FGF14: variants seen among roughly 807,000 people sequenced by gnomAD.
FGF14 encodes fibroblast growth factor homologous factor 4.
In FGF14, 5 loss-of-function variants were observed where a neutral mutation model predicts 25.5. That is an observed-to-expected ratio of 0.20 (90% CI 0.10 to 0.41). FGF14 has a LOEUF of 0.41. FGF14 is among the 10% of genes least tolerant of loss of function. FGF14 has a pLI of 1.00. For missense variants in FGF14, 222 were observed against 320.1 expected (o/e 0.69, Z 2.34); for synonymous variants, 138 against 118.3 (o/e 1.17, Z -1.08).
intron 1 of FGF14, among the ~76,000 whole-genome samples, chr13:102,399,557 G>A (rs80181797): frequency 0.065 from 9,853 of 152,238 alleles, 611 homozygotes; most frequent in African/African-American, 0.16. Context: ...GATGTAAGTT[G>A]GTTTTGTATG....
intron 1 of FGF14, among the ~76,000 whole-genome samples, chr13:102,200,318 G>A (rs2049558592): frequency 6.6e-6 from 1 of 152,062 alleles, no homozygotes; most frequent in African/African-American, 2.4e-5. Flanking sequence ...GCTCTAAAGA[G>A]GTAAACAATC....
chr13:102,157,410 G>C (rs1448807813), intron 1 of FGF14, among the ~76,000 whole-genome samples: 2 of 152,150 alleles, frequency 1.3e-5, no homozygotes, highest in Non-Finnish European at 2.9e-5. Context: ...AATGGGGAGA[G>C]AATTCCCTAT....
intron 3 of FGF14, among the ~76,000 whole-genome samples, chr13:101,851,802 G>A (rs560764281): frequency 1.3e-4 from 20 of 152,084 alleles, no homozygotes; most frequent in Non-Finnish European, 1.9e-4. Flanking sequence ...TAAAACCAAA[G>A]AAAACCAAGG....
Position 101,916,652 on chromosome 13 carries a change from C to T in FGF14, c.-7G>A. ...TAGCGATGGCCGCGGCCATGGTGGC[C>T]CCGGGAACGGGTCCGGGGAGGGAGG... On this transcript the variant is annotated 5_prime_UTR_variant, in exon 1 of 5. Transcript: ENST00000376143. 1 of 1,543,504 alleles carries T rather than the reference C, an allele frequency of 6.5e-7. No individual in the cohort carries two copies. Among genetic ancestry groups the T allele is most frequent in the Non-Finnish European group, 8.8e-7 (1 of 1,141,870 alleles).
chr13:102,311,942 CAACATTTG>C (rs1218321018), intron 1 of FGF14, among the ~76,000 whole-genome samples: 4 of 152,076 alleles, frequency 2.6e-5, no homozygotes, highest in Admixed American at 2.6e-4. Context: ...TCATATTTTC[CAACATTTG>C]TTCAATTTGG....
rs199827741 is a variant in FGF14, at chr13:102,282,074, TTC to T, written c.208+119395_208+119396del. On this transcript the variant is annotated intron_variant, in intron 1 of 4. Coordinates refer to the FGF14 transcript ENST00000376131. ...TCCTAACCCTGCTTCTTTTTTTTTT[TTC>T]TTCCTTTGAGATGGAGTCTTGCTCT... Among the ~76,000 whole-genome samples, 777 of 145,142 alleles carry T rather than the reference TTC, an allele frequency of 5.4e-3. 12 individuals are homozygous for T. The highest frequency in any genetic ancestry group is 0.016 in the African/African-American group (655 of 39,740).
intron 1 of FGF14, among the ~76,000 whole-genome samples, chr13:101,876,817 G>T (rs1479793595): frequency 2.6e-5 from 4 of 152,050 alleles, no homozygotes; most frequent in Non-Finnish European, 5.9e-5. Flanking sequence ...ATACTATTGT[G>T]CCTAAGTCTG....
intron 1 of FGF14, among the ~76,000 whole-genome samples, chr13:102,306,626 C>A (rs1594798674): frequency 6.6e-6 from 1 of 152,086 alleles, no homozygotes; most frequent in East Asian, 1.9e-4. Context: ...AGACTGTGTG[C>A]CCAAAACATT....
intron 1 of FGF14, among the ~76,000 whole-genome samples, chr13:101,901,274 A>G (rs1355281748): frequency 6.6e-6 from 1 of 152,212 alleles, no homozygotes; most frequent in African/African-American, 2.4e-5. Flanking sequence ...AAGATGAACT[A>G]AAGCCATAAT....
At chr13:102,286,638 A>G (rs2054113886) in intron 1 of FGF14, among the ~76,000 whole-genome samples, 2 of 152,078 alleles carry the variant, frequency 1.3e-5, no homozygotes, top group African/African-American at 4.8e-5. Context: ...CCATCAACCC[A>G]CTATTTGTGG....
intron 1 of FGF14, among the ~76,000 whole-genome samples, chr13:101,891,399 GC>G (rs1204864190): frequency 6.6e-6 from 1 of 152,072 alleles, no homozygotes; most frequent in African/African-American, 2.4e-5. Context: ...CCACCACCTT[GC>G]AAAAAGCAAC....
intron 1 of FGF14, among the ~76,000 whole-genome samples, chr13:102,152,894 AAG>A (rs1416281016): frequency 6.6e-6 from 1 of 152,160 alleles, no homozygotes; most frequent in Non-Finnish European, 1.5e-5. Context: ...GGGGCCGTTT[AAG>A]AGGTCTGTTT....
At chr13:102,242,244 G>A (rs1197811678) in intron 1 of FGF14, among the ~76,000 whole-genome samples, 1 of 152,088 alleles carries the variant, frequency 6.6e-6, no homozygotes, top group Non-Finnish European at 1.5e-5. Flanking sequence ...TTACATTTAA[G>A]TTGCACTTAA....
At chr13:101,865,484 C>T (rs1293407256) in intron 3 of FGF14, among the ~76,000 whole-genome samples, 2 of 152,034 alleles carry the variant, frequency 1.3e-5, no homozygotes, top group African/African-American at 2.4e-5. Flanking sequence ...TCTTGTAGCA[C>T]AATATCAAGT....
chr13:101,948,953 C>G (rs1207010913), intron 1 of FGF14, among the ~76,000 whole-genome samples: 1 of 151,972 alleles, frequency 6.6e-6, no homozygotes, highest in African/African-American at 2.4e-5. Flanking sequence ...ATTCAAGTGA[C>G]TATGATGGTC....
intron 1 of FGF14, among the ~76,000 whole-genome samples, chr13:102,022,038 C>T (rs368563966): frequency 3.3e-5 from 5 of 152,194 alleles, no homozygotes; most frequent in South Asian, 2.1e-4. Context: ...ATCTACTCTG[C>T]GTCCACTTGG....
chr13:102,205,384 C>A (rs2140898445), intron 1 of FGF14, among the ~76,000 whole-genome samples: 1 of 152,116 alleles, frequency 6.6e-6, no homozygotes, highest in South Asian at 2.1e-4. Context: ...GTAATTATTG[C>A]TATTATTATA....
At chr13:102,106,595 GGAGGGAGGGAGA>G (rs2044929039) in intron 1 of FGF14, among the ~76,000 whole-genome samples, 2 of 142,244 alleles carry the variant, frequency 1.4e-5, no homozygotes, top group Admixed American at 1.4e-4. Context: ...AGGGAGGGAG[GGAGGGAGGGAGA>G]GAGAAAAAGA....
intron 1 of FGF14, among the ~76,000 whole-genome samples, chr13:102,226,108 A>C (rs908323090): frequency 6.6e-6 from 1 of 152,186 alleles, no homozygotes; most frequent in African/African-American, 2.4e-5. Context: ...TGCACCAGGA[A>C]GTCTGCCAGC....
Sources: gnomAD v4.1 joint callset for allele counts (sites outside exome capture counted in the v4.1 genomes callset) on GRCh38, gnomAD v4.1.1 for gene constraint, MANE v1.5 for transcripts, NCBI Gene and HGNC (gene_info 2026-07-23, HGNC 2026-07-21) for gene names.